ITSN2: variants seen among roughly 807,000 people sequenced by gnomAD.
ITSN2 encodes the protein intersectin 2, also known as intersectin-2.
A neutral mutation model predicts 243.7 loss-of-function variants in ITSN2; 156 were observed. The ratio of observed to expected loss-of-function variants is 0.64; its 90% confidence interval spans 0.56 to 0.73. The LOEUF (loss-of-function observed/expected upper bound fraction) is 0.73. Among genes scored for constraint, ITSN2 ranks in the 30% least tolerant of loss-of-function variants. ITSN2 has a pLI of 0.00. For missense variants in ITSN2, 1,801 were observed against 1,996.1 expected, an observed-to-expected ratio of 0.90 and a Z score of 1.86; for synonymous variants, 703 against 699.9, an observed-to-expected ratio of 1.00 and a Z score of -0.07.
chr2:24,236,843 T>G (rs1672214579), intron 29 of ITSN2, among the ~76,000 whole-genome samples: 1 of 151,476 alleles, frequency 6.6e-6, no homozygotes, highest in South Asian at 2.1e-4. Flanking sequence ...CAGCTATCTA[T>G]CTATCTATCT....
chr2:24,298,450 G>A (rs1210996139), intron 13 of ITSN2, among the ~76,000 whole-genome samples: 2 of 151,652 alleles, frequency 1.3e-5, no homozygotes, highest in African/African-American at 4.8e-5. Flanking sequence ...ACCATGCCCA[G>A]CCCACAGCTG....
intron 24 of ITSN2, among the ~76,000 whole-genome samples, chr2:24,253,177 AAGTCT>A (rs1674576754): frequency 6.6e-6 from 1 of 152,194 alleles, no homozygotes; most frequent in African/African-American, 2.4e-5. Flanking sequence ...TTGGTTTTCT[AAGTCT>A]TTTTCTTTCT....
chr2:24,281,271 C>T (rs966997174), intron 17 of ITSN2, among the ~76,000 whole-genome samples: 3 of 152,326 alleles, frequency 2.0e-5, no homozygotes, highest in Admixed American at 6.5e-5. Context: ...CTCAGGTGAT[C>T]AACCCGCCTC....
intron 11 of ITSN2, 39 bp from the exon 12 acceptor site, chr2:24,300,210 C>T: frequency 6.2e-7 from 1 of 1,604,462 alleles, no homozygotes; most frequent in Non-Finnish European, 8.5e-7. Context: ...CACACATTAA[C>T]AGCCTACAGA....
intron 1 of ITSN2, among the ~76,000 whole-genome samples, chr2:24,351,160 TA>T: frequency 6.6e-6 from 1 of 152,312 alleles, no homozygotes; most frequent in South Asian, 2.1e-4. Context: ...CCTGTGGAAC[TA>T]CCTGCCTTCT....
At chr2:24,292,759 T>TA (rs1430901497) in intron 15 of ITSN2, among the ~76,000 whole-genome samples, 2 of 152,228 alleles carry the variant, frequency 1.3e-5, no homozygotes, top group Non-Finnish European at 2.9e-5. Flanking sequence ...GGTGCAACTA[T>TA]ACCACCCACA....
Position 24,208,252 on chromosome 2 carries a change from C to T in ITSN2, c.4663G>A (p.Glu1555Lys), listed in dbSNP as rs1277756412. The T allele has an allele frequency of 6.2e-7, 1 of 1,612,458 alleles. No homozygotes were observed. The highest frequency in any genetic ancestry group is 1.3e-5 in the African/African-American group (1 of 74,818). ...ACCCTGATACCTTGGTAAGCTTTCT[C>T]ACGCTTCTTCTTCTCGGTGTCGATG... Reference protein sequence around the residue: ...QYIDTEKKKREKAYQARSQKT... With the variant: ...QYIDTEKKKRKKAYQARSQKT... Residue 1555 changes from glutamate (E) to lysine (K), a missense_variant, in exon 37 of 40, where the codon GAG (glutamate) becomes AAG (lysine). Physicochemically the swap from Glu to Lys is moderately conservative, Grantham distance 56. Coordinates refer to ENST00000355123, the MANE Select transcript of ITSN2 (RefSeq NM_006277.3).
chr2:24,322,610 A>G (rs1684707804), intron 2 of ITSN2, among the ~76,000 whole-genome samples: 2 of 152,214 alleles, frequency 1.3e-5, no homozygotes, highest in African/African-American at 4.8e-5. Flanking sequence ...AGAACTAGAT[A>G]TAAGATAAAA....
intron 22 of ITSN2, among the ~76,000 whole-genome samples, chr2:24,260,465 A>G (rs1364625046): frequency 5.3e-5 from 8 of 151,710 alleles, no homozygotes; most frequent in Admixed American, 5.2e-4. Context: ...ACTTTAAGAA[A>G]AAAAAAAAAA....
chr2:24,217,995 C>T lies in ITSN2; in HGVS notation c.3718G>A (p.Ala1240Thr). 2 of 1,613,790 alleles carry T rather than the reference C, an allele frequency of 1.2e-6. No individual in the cohort carries two copies. The highest frequency in any genetic ancestry group is 1.7e-6 in the Non-Finnish European group (2 of 1,179,722). The change falls in exon 31 of 40, where the codon GCA (alanine) becomes ACA (threonine). Residue 1240 changes from alanine (A) to threonine (T), a missense_variant. Ala to Thr is a moderately conservative substitution (Grantham distance 58, BLOSUM62 0). This residue lies in a region of ITSN2 where 928 missense variants were observed against 1,065.4 expected (regional missense o/e 0.87). Coordinates refer to ENST00000355123, the MANE Select transcript of ITSN2 (RefSeq NM_006277.3). ...LVVEVFQKRM[A>T]ESGFLTEGEM... ...CCTTCAGTGAGAAAGCCTGACTCTG[C>T]CATGCGTTTCTGAAAAACCTAAAGT...
intron 1 of ITSN2, among the ~76,000 whole-genome samples, chr2:24,345,934 C>T (rs975217893): frequency 6.6e-6 from 1 of 152,106 alleles, no homozygotes; most frequent in Admixed American, 6.5e-5. Flanking sequence ...ATATTTTATT[C>T]TAGTACCTCT....
intron 5 of ITSN2, among the ~76,000 whole-genome samples, chr2:24,311,353 A>G (rs547407880): frequency 6.6e-6 from 1 of 152,326 alleles, no homozygotes; most frequent in South Asian, 2.1e-4. Flanking sequence ...ATTCACTAAA[A>G]TAGTGAAATA....
intron 7 of ITSN2, 85 bp from the exon 8 acceptor site, chr2:24,308,841 T>C: frequency 2.3e-6 from 2 of 870,060 alleles, no homozygotes. Context: ...ATTAAGAATC[T>C]TATATACCAG....
intron 1 of ITSN2, among the ~76,000 whole-genome samples, chr2:24,339,240 G>A (rs1320506565): frequency 6.6e-6 from 1 of 152,116 alleles, no homozygotes; most frequent in Non-Finnish European, 1.5e-5. Context: ...TGTAATCCCA[G>A]CACTTTAGGA....
chr2:24,264,288 G>A (rs1257455360), intron 20 of ITSN2, among the ~76,000 whole-genome samples: 1 of 152,044 alleles, frequency 6.6e-6, no homozygotes, highest in Non-Finnish European at 1.5e-5. Flanking sequence ...CTACTCGGGA[G>A]GTGGAGGCAG....
chr2:24,305,575 T>TC (rs1356122586), intron 8 of ITSN2, among the ~76,000 whole-genome samples: 9 of 56,998 alleles, frequency 1.6e-4, no homozygotes, highest in South Asian at 1.1e-3. Context: ...AGACTCTGTC[T>TC]CAAAAAAAAA....
chr2:24,336,241 C>CAA (rs756236002), intron 1 of ITSN2, among the ~76,000 whole-genome samples: 29 of 47,744 alleles, frequency 6.1e-4, no homozygotes, highest in African/African-American at 6.9e-4. Flanking sequence ...GACTCTGTCT[C>CAA]AAAAAAAAAA....
chr2:24,311,853 A>T (rs887712842), intron 5 of ITSN2, among the ~76,000 whole-genome samples: 10 of 152,204 alleles, frequency 6.6e-5, no homozygotes, highest in African/African-American at 1.7e-4. Flanking sequence ...ACTGCTCAAA[A>T]TTTTTTCTGT....
chr2:24,254,521 T>C, intron 23 of ITSN2, 90 bp from the exon 24 acceptor site: 1 of 988,988 alleles, frequency 1.0e-6, no homozygotes, highest in Non-Finnish European at 1.6e-6. Flanking sequence ...GTTTTAGTAG[T>C]GCATTTTTTA....
Sources: gnomAD v4.1 joint callset for allele counts (sites outside exome capture counted in the v4.1 genomes callset) on GRCh38, gnomAD v4.1.1 for gene constraint, gnomAD v4.1.1 regional missense constraint, MANE v1.5 for transcripts, NCBI Gene and HGNC (gene_info 2026-07-23, HGNC 2026-07-21) for gene names.